The following CACUL1 variants were observed in gnomAD, a reference collection of about 807,000 sequenced individuals.
The protein encoded by CACUL1 is CDK2 associated cullin domain 1.
CACUL1 carries 13 observed loss-of-function variants against 45.2 expected under a neutral mutation model. The ratio of observed to expected loss-of-function variants is 0.29; its 90% CI spans 0.19 to 0.46. The LOEUF is 0.46. CACUL1 is among the 20% of genes least tolerant of loss of function. The probability of loss-of-function intolerance (pLI) is 1.00; values close to 1 mark genes in which losing one functional copy is unlikely to be tolerated. For synonymous variants in CACUL1, 197 were observed against 174.2 expected, an observed-to-expected ratio of 1.13 and a Z score of -1.03; for missense variants, 421 against 471.4, an observed-to-expected ratio of 0.89 and a Z score of 0.99.
chr10:118,714,382 A>C (rs376981580), intron 3 of CACUL1, among the ~76,000 whole-genome samples: 6 of 152,360 alleles, frequency 3.9e-5, no homozygotes, highest in East Asian at 1.9e-4. Flanking sequence ...ATCTCTGATG[A>C]GACAGTATTA....
intron 1 of CACUL1, among the ~76,000 whole-genome samples, chr10:118,750,029 A>C (rs1845881269): frequency 6.6e-6 from 1 of 152,252 alleles, no homozygotes; most frequent in Admixed American, 6.5e-5. Flanking sequence ...CAAAGACTTT[A>C]AAAATAAGAA....
At position 118,686,621 on chromosome 10, in the gene CACUL1, C is replaced by T; in HGVS notation, c.1046G>A (p.Arg349Lys). 1 of 1,613,650 alleles carries T rather than the reference C, an allele frequency of 6.2e-7. No homozygotes were observed. Among genetic ancestry groups the T allele is most frequent in the Non-Finnish European group, 8.5e-7 (1 of 1,179,536 alleles). The change falls in exon 8 of 9, where the codon AGA (arginine) becomes AAA (lysine). Residue 349 changes from arginine to lysine, a missense_variant. Arg to Lys is a conservative substitution (Grantham distance 26, BLOSUM62 2). Around this residue, in one of 2 missense-constraint regions of CACUL1, gnomAD observed 208 missense variants for 298.4 expected, o/e 0.70. Transcript: ENST00000369151. ...GFTRGDQSRK[R>K]AGDELAYNSS... ...ACTATAAGCCAACTCATCCCCAGCT[C>T]TCTTCCGGGACTGGTCACCCCTGGG...
intron 1 of CACUL1, among the ~76,000 whole-genome samples, chr10:118,748,484 G>C (rs1845866139): frequency 6.6e-6 from 1 of 152,130 alleles, no homozygotes; most frequent in Non-Finnish European, 1.5e-5. Context: ...TGTGTGCTAT[G>C]ACAAGAAAAA....
At chr10:118,694,830 G>A (rs570242686) in intron 6 of CACUL1, 15 of 246,948 alleles carry the variant, frequency 6.1e-5, no homozygotes, top group South Asian at 5.0e-4. Flanking sequence ...TATGTGCAGC[G>A]TGAGGCAGGA....
chr10:118,696,154 A>G (rs1047321201), intron 5 of CACUL1, among the ~76,000 whole-genome samples: 1 of 152,052 alleles, frequency 6.6e-6, no homozygotes, highest in African/African-American at 2.4e-5. Flanking sequence ...TCAGAGATGC[A>G]CTCACTGTTC....
At chr10:118,745,812 ACCCT>A (rs1845837991) in intron 1 of CACUL1, among the ~76,000 whole-genome samples, 1 of 151,884 alleles carries the variant, frequency 6.6e-6, no homozygotes, top group Non-Finnish European at 1.5e-5. Context: ...GCAAACAATA[ACCCT>A]TAAAAAAAAA....
chr10:118,738,798 A>C (rs1023958147), intron 1 of CACUL1, among the ~76,000 whole-genome samples: 2 of 151,798 alleles, frequency 1.3e-5, no homozygotes, highest in African/African-American at 4.8e-5. Flanking sequence ...AATCCAGAGA[A>C]TAGAACTTGT....
chr10:118,708,602 C>A (rs1318301036), intron 3 of CACUL1, among the ~76,000 whole-genome samples: 1 of 152,056 alleles, frequency 6.6e-6, no homozygotes, highest in Non-Finnish European at 1.5e-5. Flanking sequence ...TATGTTGAAG[C>A]CCTAAACCCC....
intron 6 of CACUL1, chr10:118,694,822 T>C (rs887906468): frequency 2.2e-5 from 5 of 229,854 alleles, no homozygotes; most frequent in African/African-American, 1.1e-4. Context: ...TCTGTAAGTA[T>C]GTGCAGCGTG....
intron 1 of CACUL1, among the ~76,000 whole-genome samples, chr10:118,738,773 GCT>G (rs1465762176): frequency 6.7e-6 from 1 of 149,980 alleles, no homozygotes; most frequent in Non-Finnish European, 1.5e-5. Context: ...AATTTGAAAA[GCT>G]AAAAACAAAG....
In CACUL1 at chr10:118,681,831, GACTTTAGTTAATCAACAGT is replaced by G. The variant is rs1220821727; in HGVS notation, c.*4278_*4296del. On this transcript the variant is annotated 3_prime_UTR_variant, in exon 9 of 9. Coordinates refer to ENST00000369151, the MANE Select transcript of CACUL1 (RefSeq NM_153810.5). ...CCAGTGGAGGAAGGAAGGTGTCCAG[GACTTTAGTTAATCAACAGT>G]GGGGACAGAGAGGAATGATTTCCCT... The G allele has an allele frequency of 3.3e-5, 5 of 152,264 alleles. No individual in the cohort carries two copies. Among genetic ancestry groups the G allele is most frequent in the Admixed American group, 2.6e-4 (4 of 15,286 alleles). 9.4% of individuals were successfully genotyped at this position (152,264 alleles called of 1,614,324 possible).
At chr10:118,698,092 A>AT (rs1418935725) in intron 5 of CACUL1, among the ~76,000 whole-genome samples, 3 of 151,344 alleles carry the variant, frequency 2.0e-5, no homozygotes, top group African/African-American at 7.3e-5. Flanking sequence ...TTCATTTTAC[A>AT]TTTTTGTGTT....
chr10:118,704,963 G>A (rs12357504), intron 4 of CACUL1, among the ~76,000 whole-genome samples: 2,316 of 152,352 alleles, frequency 0.015, 28 homozygotes, highest in Middle Eastern at 0.027. Flanking sequence ...AGCAAGGCCC[G>A]GGTGGGGCAC....
rs762910765 is a variant in CACUL1 at position 118,701,428 on chromosome 10, C to CT, written c.694-21dup. 7.8e-5 allele frequency: 110 copies of CT among 1,401,274 alleles called. No homozygotes were observed. Among genetic ancestry groups the CT allele is most frequent in the Admixed American group, 2.8e-4 (15 of 53,138 alleles). The allele number at this position is 1,401,274 out of a possible 1,614,324, so 86.8% of individuals were successfully genotyped here. ...CTTATTCTGAAAAATAAAATAAAAT[C>CT]TTTTTTTGTGTATTAATTGGGGAAA... On this transcript the variant is annotated intron_variant, in intron 4 of 8. Coordinates refer to ENST00000369151, the MANE Select transcript of CACUL1 (RefSeq NM_153810.5).
intron 4 of CACUL1, among the ~76,000 whole-genome samples, chr10:118,703,816 T>C (rs922939287): frequency 6.6e-6 from 1 of 152,200 alleles, no homozygotes; most frequent in Admixed American, 6.5e-5. Context: ...TTGGGTATAT[T>C]TTCATGTTTA....
At position 118,682,892 on chromosome 10, in the gene CACUL1, G is replaced by C. The variant is rs1845167601; in HGVS notation, c.*3236C>G. On this transcript the variant is annotated 3_prime_UTR_variant, in exon 9 of 9. Coordinates refer to ENST00000369151, the MANE Select transcript of CACUL1 (RefSeq NM_153810.5). ...GGGTAATTGCTGCAAATTTGTTAAA[G>C]GGACAGAAGAAAAAGTAGCTTGTCT... The C allele has an allele frequency of 6.6e-6, 1 of 152,308 alleles. No individual in the cohort carries two copies. The highest frequency in any genetic ancestry group is 2.4e-5 in the African/African-American group (1 of 41,450). The allele number at this position is 152,308 out of a possible 1,614,324, so 9.4% of individuals were successfully genotyped here. A position where few individuals can be genotyped will look rare whatever the true frequency, so the allele number is the denominator to read the frequency against.
At chr10:118,751,304 G>T (rs976593492) in intron 1 of CACUL1, among the ~76,000 whole-genome samples, 1 of 152,070 alleles carries the variant, frequency 6.6e-6, no homozygotes, top group Admixed American at 6.5e-5. Context: ...GCTTTAAAAA[G>T]TACTTCCCTG....
At chr10:118,716,703 C>T (rs953821495) in intron 3 of CACUL1, among the ~76,000 whole-genome samples, 6 of 151,498 alleles carry the variant, frequency 4.0e-5, no homozygotes, top group Non-Finnish European at 7.4e-5. Flanking sequence ...CCCAGGTTCA[C>T]GCCATTCTCC....
chr10:118,688,158 G>T (rs1449935883), intron 7 of CACUL1, among the ~76,000 whole-genome samples: 1 of 152,222 alleles, frequency 6.6e-6, no homozygotes, highest in East Asian at 1.9e-4. Context: ...AGTACACACT[G>T]TATGACCTCT....
Sources: allele counts gnomAD v4.1 joint callset (sites outside exome capture counted in the v4.1 genomes callset), GRCh38; gene constraint gnomAD v4.1.1; regional missense constraint gnomAD v4.1.1; transcripts MANE v1.5; gene names NCBI Gene and HGNC (gene_info 2026-07-23, HGNC 2026-07-21).